The following ABTB3 variants were observed in gnomAD, a reference collection of about 807,000 sequenced individuals.
ABTB3 encodes the protein ankyrin repeat and BTB domain containing 3, also known as ankyrin repeat- and BTB/POZ domain-containing protein 3.
the ABTB3 span, among the ~76,000 whole-genome samples, chr12:107,405,227 C>T: frequency 3.0e-4 from 46 of 152,262 alleles, no homozygotes; most frequent in African/African-American, 9.9e-4. Context: ...GTGAATGGCG[C>T]CCTCTAGAAT....
the ABTB3 span, among the ~76,000 whole-genome samples, chr12:107,385,284 C>T: frequency 6.6e-6 from 1 of 152,198 alleles, no homozygotes; most frequent in Non-Finnish European, 1.5e-5. Context: ...GACAAGTCAA[C>T]ACTTGGAATA....
the ABTB3 span, among the ~76,000 whole-genome samples, chr12:107,432,413 G>A: frequency 1.7e-4 from 26 of 152,302 alleles, no homozygotes; most frequent in African/African-American, 5.3e-4. Flanking sequence ...CAGCTCCTTC[G>A]AAGAAACCAA....
the ABTB3 span, among the ~76,000 whole-genome samples, chr12:107,500,529 G>A: frequency 2.3e-3 from 344 of 152,288 alleles, 7 homozygotes; most frequent in African/African-American, 7.9e-3. Context: ...TAGCTGACAC[G>A]TGTATCAGCA....
At chr12:107,568,201 C>T in the ABTB3 span, among the ~76,000 whole-genome samples, 2 of 152,186 alleles carry the variant, frequency 1.3e-5, no homozygotes, top group African/African-American at 4.8e-5. Context: ...GTGCGAGTTA[C>T]TGAATCTTGC....
At chr12:107,417,164 A>G in the ABTB3 span, among the ~76,000 whole-genome samples, 2 of 152,336 alleles carry the variant, frequency 1.3e-5, no homozygotes, top group African/African-American at 2.4e-5. Context: ...TCATTCATCC[A>G]AGCGTAGGTA....
chr12:107,646,079 C>T, the ABTB3 span, among the ~76,000 whole-genome samples: 8 of 152,352 alleles, frequency 5.3e-5, no homozygotes, highest in South Asian at 8.3e-4. Flanking sequence ...TTTAACATCA[C>T]GCGCCGGCAA....
the ABTB3 span, among the ~76,000 whole-genome samples, chr12:107,457,417 C>A: frequency 6.6e-6 from 1 of 152,242 alleles, no homozygotes; most frequent in African/African-American, 2.4e-5. Flanking sequence ...GTTTTATTAA[C>A]TGTCACCATG....
the ABTB3 span, among the ~76,000 whole-genome samples, chr12:107,490,933 G>A: frequency 6.6e-6 from 1 of 152,164 alleles, no homozygotes; most frequent in Non-Finnish European, 1.5e-5. Flanking sequence ...TGAGAAAAGA[G>A]GCTCAGAGAG....
chr12:107,563,621 A>C, the ABTB3 span, among the ~76,000 whole-genome samples: 1 of 151,956 alleles, frequency 6.6e-6, no homozygotes, highest in African/African-American at 2.4e-5. Flanking sequence ...TTGTGCACAG[A>C]GTCCTATGGA....
At chr12:107,372,192 A>G in the ABTB3 span, among the ~76,000 whole-genome samples, 2 of 152,232 alleles carry the variant, frequency 1.3e-5, no homozygotes, top group African/African-American at 4.8e-5. Flanking sequence ...TTGTTGGATC[A>G]ATGAATGAAT....
chr12:107,320,778 T>C, the ABTB3 span: 1 of 429,732 alleles, frequency 2.3e-6, no homozygotes, highest in Non-Finnish European at 4.7e-6. Flanking sequence ...TCTTGGCCTC[T>C]CCATTCCCTC....
the ABTB3 span, chr12:107,619,873 G>A: frequency 4.6e-4 from 457 of 993,800 alleles, 3 homozygotes; most frequent in Non-Finnish European, 9.9e-5. Flanking sequence ...GTAATGTCCT[G>A]GGGAAAAGCC....
chr12:107,469,118 C>G, the ABTB3 span, among the ~76,000 whole-genome samples: 1 of 152,166 alleles, frequency 6.6e-6, no homozygotes, highest in African/African-American at 2.4e-5. Context: ...CAAACACAGA[C>G]CCCGGCATGA....
the ABTB3 span, among the ~76,000 whole-genome samples, chr12:107,568,812 C>T: frequency 4.6e-5 from 7 of 151,222 alleles, no homozygotes; most frequent in South Asian, 1.5e-3. Flanking sequence ...TAACGCCACC[C>T]GTGAAGACAC....
At chr12:107,550,589 T>A in the ABTB3 span, among the ~76,000 whole-genome samples, 1 of 149,570 alleles carries the variant, frequency 6.7e-6, no homozygotes, top group Non-Finnish European at 1.5e-5. Context: ...CTTTCTTTTT[T>A]TTTTTTTTTG....
chr12:107,381,208 G>A, the ABTB3 span, among the ~76,000 whole-genome samples: 1 of 152,186 alleles, frequency 6.6e-6, no homozygotes, highest in Non-Finnish European at 1.5e-5. Context: ...GTCTGCATAG[G>A]TGGAGACTTG....
At chr12:107,464,471 TG>T in the ABTB3 span, among the ~76,000 whole-genome samples, 1 of 152,140 alleles carries the variant, frequency 6.6e-6, no homozygotes, top group Non-Finnish European at 1.5e-5. Flanking sequence ...TCACCATGTC[TG>T]GCTAGTGTTT....
chr12:107,403,868 G>A, the ABTB3 span, among the ~76,000 whole-genome samples: 1 of 152,048 alleles, frequency 6.6e-6, no homozygotes, highest in Admixed American at 6.6e-5. Flanking sequence ...CAAATCAGAA[G>A]TAAACAGCAT....
chr12:107,527,155 C>G, the ABTB3 span, among the ~76,000 whole-genome samples: 1 of 152,244 alleles, frequency 6.6e-6, no homozygotes, highest in East Asian at 1.9e-4. Context: ...CCTATTCCCT[C>G]TTCTGCCTTA....
Sources: allele counts gnomAD v4.1 joint callset (sites outside exome capture counted in the v4.1 genomes callset), GRCh38; gene constraint gnomAD v4.1.1; transcripts MANE v1.5; gene names NCBI Gene and HGNC (gene_info 2026-07-23, HGNC 2026-07-21).